Variants in MACO1 observed in about 807,000 individuals in gnomAD.
MACO1 encodes macoilin 1.
MACO1 carries 14 observed loss-of-function variants against 78.7 expected under a neutral mutation model. The ratio of observed to expected loss-of-function variants is 0.18; its 90% confidence interval spans 0.12 to 0.28. The LOEUF (loss-of-function observed/expected upper bound fraction) is 0.28. MACO1 is among the 10% of genes least tolerant of loss of function. MACO1 has a pLI of 1.00. For missense variants in MACO1, 501 were observed against 799.0 expected (o/e 0.63, Z 4.50); for synonymous variants, 288 against 291.6 (o/e 0.99, Z 0.12).
At chr1:25,432,682 T>C (rs1243237205) in intron 1 of MACO1, among the ~76,000 whole-genome samples, 1 of 152,236 alleles carries the variant, frequency 6.6e-6, no homozygotes, top group Non-Finnish European at 1.5e-5. Flanking sequence ...TTGAAAAATA[T>C]TTGACCAACT....
rs2043408536 is a variant in MACO1, at chr1:25,484,282, C to T, written c.1313+8C>T. ...CGAGCTGCTGCAGAACAAGTACGTG[C>T]ACCTTTCAGGCCTTTGGCCGTAAGC... On this transcript the variant is annotated splice_region_variant and intron_variant, in intron 7 of 10. Coordinates refer to ENST00000374343, the MANE Select transcript of MACO1 (RefSeq NM_018202.6). The T allele has an allele frequency of 6.2e-7, 1 of 1,600,272 alleles. No individual in the cohort carries two copies. The highest frequency in any genetic ancestry group is 1.3e-5 in the African/African-American group (1 of 74,480).
chr1:25,452,189 CT>C (rs1400771346), intron 3 of MACO1, among the ~76,000 whole-genome samples: 1 of 152,084 alleles, frequency 6.6e-6, no homozygotes, highest in Non-Finnish European at 1.5e-5. Context: ...AATGATCTTC[CT>C]AGTTTGAAGA....
chr1:25,448,770 A>G, intron 2 of MACO1, 38 bp from the exon 3 acceptor site: 1 of 1,461,110 alleles, frequency 6.8e-7, no homozygotes, highest in East Asian at 2.3e-5. Context: ...AACAGGTTCT[A>G]AGATGTATCT....
intron 6 of MACO1, among the ~76,000 whole-genome samples, chr1:25,461,657 AC>A (rs2043173614): frequency 6.6e-6 from 1 of 152,172 alleles, no homozygotes; most frequent in African/African-American, 2.4e-5. Context: ...CATTTGATAA[AC>A]TTTTCATATA....
chr1:25,432,863 T>C (rs962513375), intron 1 of MACO1, among the ~76,000 whole-genome samples: 1 of 152,360 alleles, frequency 6.6e-6, no homozygotes, highest in Non-Finnish European at 1.5e-5. Context: ...TCTGCTGTAT[T>C]TCCATTTCTC....
chr1:25,472,626 T>G (rs1465192694), intron 6 of MACO1, among the ~76,000 whole-genome samples: 1 of 152,246 alleles, frequency 6.6e-6, no homozygotes. Flanking sequence ...TTGTTTGTTC[T>G]CTTCTGCTTT....
chr1:25,452,016 A>G (rs1362839498), intron 3 of MACO1, among the ~76,000 whole-genome samples: 1 of 151,804 alleles, frequency 6.6e-6, no homozygotes, highest in Admixed American at 6.6e-5. Context: ...AGTGGTTGAG[A>G]CCATTAGCTG....
chr1:25,449,789 CA>C (rs2043048951), intron 3 of MACO1, among the ~76,000 whole-genome samples: 1 of 152,214 alleles, frequency 6.6e-6, no homozygotes, highest in Non-Finnish European at 1.5e-5. Context: ...GAGGCTGAGG[CA>C]GGCAGATCAC....
chr1:25,446,658 A>G (rs1221284501), intron 1 of MACO1, 104 bp from the exon 2 acceptor site: 5 of 1,113,512 alleles, frequency 4.5e-6, no homozygotes, highest in Non-Finnish European at 6.2e-6. Flanking sequence ...TTTTCATGAT[A>G]TATGGAGGTA....
intron 1 of MACO1, among the ~76,000 whole-genome samples, chr1:25,437,872 G>C (rs1376132063): frequency 2.0e-5 from 3 of 152,226 alleles, no homozygotes; most frequent in Admixed American, 2.0e-4. Context: ...AGTGTGCCAT[G>C]ATCGTGTCAC....
At chr1:25,460,917 G>T (rs1417690029) in intron 6 of MACO1, among the ~76,000 whole-genome samples, 1 of 151,926 alleles carries the variant, frequency 6.6e-6, no homozygotes, top group African/African-American at 2.4e-5. Context: ...ATTTAAGTAG[G>T]TTTATAAGCT....
At chr1:25,445,682 T>A (rs1473686174) in intron 1 of MACO1, among the ~76,000 whole-genome samples, 2 of 152,162 alleles carry the variant, frequency 1.3e-5, no homozygotes, top group Admixed American at 1.3e-4. Context: ...AATTATTTAT[T>A]AAAAATCTCA....
intron 6 of MACO1, among the ~76,000 whole-genome samples, chr1:25,473,069 G>A (rs2043288194): frequency 6.6e-6 from 1 of 152,108 alleles, no homozygotes; most frequent in Non-Finnish European, 1.5e-5. Flanking sequence ...TTCTGTCTCT[G>A]TGGAAACATG....
chr1:25,441,318 G>A (rs1332339091), intron 1 of MACO1, among the ~76,000 whole-genome samples: 1 of 152,148 alleles, frequency 6.6e-6, no homozygotes, highest in East Asian at 1.9e-4. Flanking sequence ...AGCCTCCAGA[G>A]TAGCTGGGAT....
At chr1:25,436,275 C>A (rs541167097) in intron 1 of MACO1, among the ~76,000 whole-genome samples, 3 of 151,214 alleles carry the variant, frequency 2.0e-5, no homozygotes, top group Non-Finnish European at 4.4e-5. Context: ...CAGATCTCCC[C>A]ACTGATACTG....
At chr1:25,478,688 A>G (rs139559572) in intron 6 of MACO1, among the ~76,000 whole-genome samples, 70 of 152,360 alleles carry the variant, frequency 4.6e-4, no homozygotes, top group African/African-American at 1.6e-3. Flanking sequence ...AATTATCAGT[A>G]AAGTGAGTAG....
intron 1 of MACO1, among the ~76,000 whole-genome samples, chr1:25,441,334 G>C (rs1376378864): frequency 6.6e-6 from 1 of 152,024 alleles, no homozygotes; most frequent in East Asian, 1.9e-4. Context: ...GGGATTACAG[G>C]CATCTGCCTG....
chr1:25,466,973 G>T (rs2043224864), intron 6 of MACO1, among the ~76,000 whole-genome samples: 1 of 151,952 alleles, frequency 6.6e-6, no homozygotes, highest in South Asian at 2.1e-4. Context: ...CAGAAATCAT[G>T]CTCGGCCGGG....
chr1:25,448,763 A>G (rs371947993), intron 2 of MACO1, 45 bp from the exon 3 acceptor site: 1 of 1,424,960 alleles, frequency 7.0e-7, no homozygotes, highest in African/African-American at 1.4e-5. Context: ...TGAAAATAAC[A>G]GGTTCTAAGA....
Sources: gnomAD v4.1 joint callset for allele counts (sites outside exome capture counted in the v4.1 genomes callset) on GRCh38, gnomAD v4.1.1 for gene constraint, MANE v1.5 for transcripts, NCBI Gene and HGNC (gene_info 2026-07-23, HGNC 2026-07-21) for gene names.